Variants in NTM observed in about 807,000 individuals in gnomAD.
NTM encodes the protein IgLON family member 2.
In NTM, 13 loss-of-function variants were observed where a neutral mutation model predicts 42.1. That is an observed-to-expected ratio of 0.31 (90% confidence interval 0.20 to 0.49). The LOEUF (loss-of-function observed/expected upper bound fraction) is 0.49. Among genes scored for constraint, NTM ranks in the 20% least tolerant of loss-of-function variants. NTM has a pLI of 0.99. For synonymous variants in NTM, 187 were observed against 179.2 expected (o/e 1.04, Z -0.35); for missense variants, 373 against 452.8 (o/e 0.82, Z 1.60).
At chr11:131,509,350 T>C (rs1031434692) in intron 1 of NTM, among the ~76,000 whole-genome samples, 1 of 152,232 alleles carries the variant, frequency 6.6e-6, no homozygotes, top group African/African-American at 2.4e-5. Context: ...ACTCTGTCGG[T>C]GTCCAATGTC....
intron 1 of NTM, among the ~76,000 whole-genome samples, chr11:131,829,169 G>T (rs1243049086): frequency 1.3e-5 from 2 of 151,352 alleles, no homozygotes; most frequent in Non-Finnish European, 2.9e-5. Context: ...TTCTGTTTAA[G>T]AGTCACTTAA....
At chr11:131,405,100 G>T (rs903898446) in intron 1 of NTM, among the ~76,000 whole-genome samples, 33 of 152,164 alleles carry the variant, frequency 2.2e-4, no homozygotes, top group African/African-American at 7.7e-4. Flanking sequence ...TGTCTGTTAC[G>T]CTTCAACCTA....
At chr11:132,080,346 G>T (rs11222906) in intron 2 of NTM, among the ~76,000 whole-genome samples, 18,299 of 152,230 alleles carry the variant, frequency 0.12, 1,223 homozygotes, top group South Asian at 0.18. Flanking sequence ...CCACTCAGCT[G>T]GGCTGCTTTT....
chr11:132,003,247 GT>G lies in NTM; in HGVS notation c.167+91608del, dbSNP rs57360845. Among the ~76,000 whole-genome samples the G allele has an allele frequency of 8.3e-5, 12 of 145,328 alleles. No individual in the cohort carries two copies. The highest frequency in any genetic ancestry group is 1.5e-4 in the Non-Finnish European group (10 of 66,072). On this transcript the variant is annotated intron_variant, in intron 2 of 8. Transcript: ENST00000683400. This position sits in a 1 kb window ranked among gnomAD's most constrained non-coding sequence, Gnocchi z 6.0. Reference sequence around the variant, plus strand: ...GGATTCCTCCACCCACACCCTTAGAGTTTTTTTTTCTTTTTTTTTTTTGACA... The same window carrying G: ...GGATTCCTCCACCCACACCCTTAGAGTTTTTTTTCTTTTTTTTTTTTGACA...
chr11:131,918,971 A>G (rs908594509), intron 2 of NTM, among the ~76,000 whole-genome samples: 6 of 152,204 alleles, frequency 3.9e-5, no homozygotes, highest in African/African-American at 7.2e-5. Flanking sequence ...TAGTAATACC[A>G]TGAACATTTC....
At chr11:132,109,586 A>T (rs1181551931) in intron 2 of NTM, among the ~76,000 whole-genome samples, 1 of 151,906 alleles carries the variant, frequency 6.6e-6, no homozygotes, top group Non-Finnish European at 1.5e-5. Context: ...CTTAAAATCC[A>T]GTCTACTTAT....
chr11:131,779,120 C>T (rs1365672892), intron 1 of NTM, among the ~76,000 whole-genome samples: 5 of 152,144 alleles, frequency 3.3e-5, no homozygotes, highest in South Asian at 4.1e-4. Flanking sequence ...GGGAGTGGCC[C>T]CAGCTGACAG....
chr11:131,763,255 T>C (rs1189412365), intron 1 of NTM, among the ~76,000 whole-genome samples: 1 of 152,216 alleles, frequency 6.6e-6, no homozygotes, highest in Non-Finnish European at 1.5e-5. Context: ...ATTTTAGTCT[T>C]TCCAAATATT....
chr11:131,793,699 C>T (rs529345397), intron 1 of NTM, among the ~76,000 whole-genome samples: 15 of 152,220 alleles, frequency 9.9e-5, no homozygotes, highest in African/African-American at 3.4e-4. Context: ...TCACGCTTCC[C>T]ACCTCCCACC....
At chr11:131,582,081 A>G (rs2058460007) in intron 1 of NTM, 1 of 152,206 alleles carries the variant, frequency 6.6e-6, no homozygotes, top group Admixed American at 6.5e-5. Context: ...GAAGCCCACC[A>G]GTCCTCACCC....
At chr11:132,010,977 GAA>G (rs2072041080) in intron 2 of NTM, among the ~76,000 whole-genome samples, 1 of 151,418 alleles carries the variant, frequency 6.6e-6, no homozygotes, top group African/African-American at 2.4e-5. Context: ...CCCATAAAAT[GAA>G]AGTGACCTGA....
At chr11:132,313,598 C>T (rs770679427) in intron 6 of NTM, among the ~76,000 whole-genome samples, 5 of 152,116 alleles carry the variant, frequency 3.3e-5, no homozygotes, top group Admixed American at 1.3e-4. Flanking sequence ...ATGGACATTT[C>T]GGAATCTTGC....
intron 1 of NTM, among the ~76,000 whole-genome samples, chr11:131,389,990 AT>A (rs1943804142): frequency 6.6e-6 from 1 of 152,232 alleles, no homozygotes; most frequent in African/African-American, 2.4e-5. Flanking sequence ...CAGAAGGTTG[AT>A]CTCTCTGGGT....
At chr11:131,930,818 T>A (rs2058511089) in intron 2 of NTM, among the ~76,000 whole-genome samples, 1 of 152,222 alleles carries the variant, frequency 6.6e-6, no homozygotes, top group African/African-American at 2.4e-5. Context: ...ATGTTTTTCA[T>A]TTGATGTTAT....
intron 2 of NTM, among the ~76,000 whole-genome samples, chr11:132,116,215 C>T (rs999467101): frequency 2.0e-5 from 3 of 152,148 alleles, no homozygotes; most frequent in African/African-American, 7.2e-5. Context: ...CTACCCTATT[C>T]CCACTTCCAC....
rs534436739 is a variant in NTM, at chr11:131,583,845, A to G, written c.82+212957A>G. Reference sequence around the variant, plus strand: ...TTCTTCTATTCTTGGATTTGTATGAAACCCATAGATGAACCCCTGAGAAGT... The same window carrying G: ...TTCTTCTATTCTTGGATTTGTATGAGACCCATAGATGAACCCCTGAGAAGT... On this transcript the variant is annotated intron_variant, in intron 1 of 8. Transcript: ENST00000683400. Among the ~76,000 whole-genome samples the G allele has an allele frequency of 2.0e-5, 3 of 152,274 alleles. No individual in the cohort carries two copies. The South Asian group carries it at 6.2e-4, about 32-fold the overall frequency.
intron 2 of NTM, among the ~76,000 whole-genome samples, chr11:132,134,737 A>ATC (rs1566259766): frequency 6.7e-5 from 8 of 120,224 alleles, no homozygotes; most frequent in Admixed American, 1.7e-4. Flanking sequence ...ATATATATAT[A>ATC]TATATATATA....
At chr11:131,634,917 A>G (rs1475254592) in intron 1 of NTM, among the ~76,000 whole-genome samples, 1 of 152,362 alleles carries the variant, frequency 6.6e-6, no homozygotes, top group East Asian at 1.9e-4. Flanking sequence ...TGATACGTGT[A>G]TATATACAGA....
At chr11:131,518,545 G>T (rs1355930189) in intron 1 of NTM, among the ~76,000 whole-genome samples, 1 of 152,266 alleles carries the variant, frequency 6.6e-6, no homozygotes, top group Non-Finnish European at 1.5e-5. Flanking sequence ...GCTATTAATA[G>T]GACAATTCCT....
Sources: allele counts gnomAD v4.1 joint callset (sites outside exome capture counted in the v4.1 genomes callset), GRCh38; gene constraint gnomAD v4.1.1; non-coding constraint Gnocchi (gnomAD v3.1); transcripts MANE v1.5; gene names NCBI Gene and HGNC (gene_info 2026-07-23, HGNC 2026-07-21).